RARB: variants seen among roughly 807,000 people sequenced by gnomAD.
RARB encodes the protein HBV-activated protein.
Under a neutral mutation model 51.9 loss-of-function variants are expected in RARB, and 17 were observed. The observed-to-expected ratio is 0.33, with a 90% CI of 0.22 to 0.49. The LOEUF is 0.49. Among genes scored for constraint, RARB ranks in the 20% least tolerant of loss-of-function variants. RARB has a pLI of 0.99. For synonymous variants in RARB, 215 were observed against 195.4 expected (o/e 1.10, Z -0.84); for missense variants, 369 against 550.8 (o/e 0.67, Z 3.30).
chr3:24,959,329 GCT>G (rs1472703009), intron 2 of RARB, among the ~76,000 whole-genome samples: 1 of 152,198 alleles, frequency 6.6e-6, no homozygotes, highest in African/African-American at 2.4e-5. Context: ...AATGGAAGTG[GCT>G]CTCAGTGGGA....
At chr3:25,285,066 C>T (rs1486542766) in intron 5 of RARB, among the ~76,000 whole-genome samples, 1 of 152,140 alleles carries the variant, frequency 6.6e-6, no homozygotes, top group African/African-American at 2.4e-5. Context: ...TTTCCAGGTA[C>T]TGTGTTAGAT....
chr3:25,590,623 G>A (rs185158370), intron 5 of RARB, among the ~76,000 whole-genome samples: 12 of 152,228 alleles, frequency 7.9e-5, no homozygotes, highest in Non-Finnish European at 1.3e-4. Flanking sequence ...CAGTTCAAGA[G>A]ATTCTCCAAC....
At chr3:24,995,246 T>G (rs62228469) in intron 2 of RARB, among the ~76,000 whole-genome samples, 28,418 of 151,596 alleles carry the variant, frequency 0.19, 3,341 homozygotes, top group East Asian at 0.41. Flanking sequence ...TTTTTATAGC[T>G]TTTGTAAATG....
At chr3:25,181,934 A>T (rs893625866) in intron 5 of RARB, among the ~76,000 whole-genome samples, 1 of 152,196 alleles carries the variant, frequency 6.6e-6, no homozygotes, top group South Asian at 2.1e-4. Context: ...CTAATTCTGC[A>T]TAGAGGGGCA....
intron 3 of RARB, chr3:25,555,422 G>A (rs1293118817): frequency 6.6e-6 from 1 of 151,914 alleles, no homozygotes; most frequent in African/African-American, 2.4e-5. Context: ...TTTATCATCT[G>A]CCTCCCCCAA....
intron 2 of RARB, among the ~76,000 whole-genome samples, chr3:24,896,623 A>T (rs985296602): frequency 6.6e-6 from 1 of 152,294 alleles, no homozygotes; most frequent in East Asian, 1.9e-4. Flanking sequence ...GTTCCATAAC[A>T]TCATGGATAT....
intron 5 of RARB, among the ~76,000 whole-genome samples, chr3:25,353,720 C>G (rs1472050174): frequency 2.6e-5 from 4 of 151,932 alleles, no homozygotes; most frequent in African/African-American, 9.7e-5. Context: ...CTTCTTAACC[C>G]TAAATTTTCT....
At chr3:24,914,724 G>A (rs1039469884) in intron 2 of RARB, among the ~76,000 whole-genome samples, 1 of 152,138 alleles carries the variant, frequency 6.6e-6, no homozygotes, top group African/African-American at 2.4e-5. Context: ...TGTGTGTTCA[G>A]TACAGGTACA....
rs1575368997 is a variant in RARB, at chr3:25,395,431, A to G, written c.179-65762A>G. Among the ~76,000 whole-genome samples, 2 of 152,214 alleles carry G rather than the reference A, an allele frequency of 1.3e-5. 1 individual carries two copies. The highest frequency in any genetic ancestry group is 4.1e-4 in the South Asian group (2 of 4,834). The stretch of plus-strand genomic sequence containing the variant: ...CCCAGATGTTCTTTGAGCTGCTTGT[A>G]TTTGGATGTCTAGATCTCTAGCAAA... On this transcript the variant is annotated intron_variant, in intron 5 of 11. Coordinates refer to the RARB transcript ENST00000383772.
At chr3:25,208,558 A>C (rs1701616893) in intron 5 of RARB, among the ~76,000 whole-genome samples, 1 of 152,100 alleles carries the variant, frequency 6.6e-6, no homozygotes, top group Admixed American at 6.6e-5. Flanking sequence ...TATCAGTGCC[A>C]TTCTGTGTTG....
intron 5 of RARB, among the ~76,000 whole-genome samples, chr3:25,207,002 A>G (rs140151913): frequency 1.3e-5 from 2 of 152,282 alleles, no homozygotes; most frequent in Non-Finnish European, 2.9e-5. Flanking sequence ...TGCTTTTTCC[A>G]TGGTTATTTA....
chr3:25,457,879 C>G (rs1293632766), intron 1 of RARB, among the ~76,000 whole-genome samples: 1 of 152,164 alleles, frequency 6.6e-6, no homozygotes, highest in Non-Finnish European at 1.5e-5. Context: ...ACACACCGCT[C>G]CCCACCTTCC....
At position 24,843,605 on chromosome 3, in the gene RARB, A is replaced by G. The variant is rs567512503; in HGVS notation, c.-459+14202A>G. On this transcript the variant is annotated intron_variant, in intron 1 of 11. Coordinates refer to the RARB transcript ENST00000383772. ...CCAGCCCACACACCATCAAACTAAT[A>G]TATCAGATCAGCAAGAAAATTAGAC... Among the ~76,000 whole-genome samples the G allele has an allele frequency of 3.9e-5, 6 of 152,226 alleles. No individual in the cohort carries two copies. The South Asian group carries it at 1.2e-3, about 32-fold the overall frequency.
At chr3:25,101,359 T>G (rs1699397144) in intron 3 of RARB, among the ~76,000 whole-genome samples, 1 of 152,182 alleles carries the variant, frequency 6.6e-6, no homozygotes, top group African/African-American at 2.4e-5. Context: ...AGTGAAAGCC[T>G]CCTTCTCTTG....
At chr3:25,089,201 T>G (rs1461665581) in intron 3 of RARB, among the ~76,000 whole-genome samples, 1 of 152,076 alleles carries the variant, frequency 6.6e-6, no homozygotes, top group Admixed American at 6.6e-5. Flanking sequence ...TTGGTTTATT[T>G]TGGTTTTCCT....
intron 5 of RARB, among the ~76,000 whole-genome samples, chr3:25,361,439 C>T (rs942723989): frequency 2.0e-5 from 3 of 152,152 alleles, no homozygotes; most frequent in African/African-American, 7.2e-5. Context: ...TCCTGTAACT[C>T]GGAGGAGTTT....
rs527458074 is a variant in RARB at position 25,509,755 on chromosome 3, G to A, written c.448+8432G>A. Among the ~76,000 whole-genome samples the A allele has an allele frequency of 3.3e-5, 5 of 152,238 alleles. No homozygotes were observed. The South Asian group carries it at 1.0e-3, about 32-fold the overall frequency. On this transcript the variant is annotated intron_variant, in intron 3 of 7. Coordinates refer to ENST00000330688, the MANE Select transcript of RARB (RefSeq NM_000965.5). ...CCCTTCCTTCCTCAGTCAGCTCAAG[G>A]TGAGGCCATCAGGGTCTTCCAGCAG...
intron 2 of RARB, among the ~76,000 whole-genome samples, chr3:25,038,310 A>G (rs1480526749): frequency 6.6e-6 from 1 of 152,182 alleles, no homozygotes; most frequent in African/African-American, 2.4e-5. Context: ...AATGAATGCA[A>G]TGGAAACACT....
At chr3:25,413,695 G>A (rs969271308) in intron 5 of RARB, among the ~76,000 whole-genome samples, 1 of 151,694 alleles carries the variant, frequency 6.6e-6, no homozygotes, top group Admixed American at 6.6e-5. Context: ...AGACATTTTG[G>A]TAGATGTGTC....
Sources: allele counts gnomAD v4.1 joint callset (sites outside exome capture counted in the v4.1 genomes callset), GRCh38; gene constraint gnomAD v4.1.1; transcripts MANE v1.5; gene names NCBI Gene and HGNC (gene_info 2026-07-23, HGNC 2026-07-21).